The following MAX variants were observed in gnomAD, a reference collection of about 807,000 sequenced individuals.
The protein encoded by MAX is protein max.
In MAX, 3 loss-of-function variants were observed where a neutral mutation model predicts 22.3. The ratio of observed to expected loss-of-function variants is 0.13; its 90% CI spans 0.06 to 0.35. MAX has a LOEUF of 0.35. Among genes scored for constraint, MAX ranks in the 10% least tolerant of loss-of-function variants. The probability of loss-of-function intolerance (pLI) is 1.00; values close to 1 mark genes in which losing one functional copy is unlikely to be tolerated. For missense variants in MAX, 119 were observed against 209.4 expected (o/e 0.57, Z 2.66); for synonymous variants, 72 against 77.7 (o/e 0.93, Z 0.39).
chr14:65,100,762 C>A (rs1047549324), intron 2 of MAX, among the ~76,000 whole-genome samples: 2 of 152,152 alleles, frequency 1.3e-5, no homozygotes, highest in African/African-American at 4.8e-5. Context: ...CAAATCTATT[C>A]ATGAAACATC....
chr14:65,091,315 A>G (rs2063503626), intron 3 of MAX, among the ~76,000 whole-genome samples: 1 of 152,242 alleles, frequency 6.6e-6, no homozygotes, highest in Non-Finnish European at 1.5e-5. Flanking sequence ...CTCGCTTTTT[A>G]AAGAGGAAGA....
intron 3 of MAX, chr14:65,016,371 A>G (rs2061773451): frequency 6.6e-6 from 1 of 152,238 alleles, no homozygotes; most frequent in Admixed American, 6.5e-5. Flanking sequence ...TCATGACTCC[A>G]GTCCTAGGGA....
At chr14:65,065,721 C>T (rs2062925104) in intron 3 of MAX, among the ~76,000 whole-genome samples, 1 of 152,150 alleles carries the variant, frequency 6.6e-6, no homozygotes, top group African/African-American at 2.4e-5. Flanking sequence ...AAAACTCTAC[C>T]ACCAATTAGC....
rs1162519575 is a variant in MAX at position 65,078,486 on chromosome 14, C to A, written c.172-450G>T. Among the ~76,000 whole-genome samples, 1 of 150,956 alleles carries A rather than the reference C, an allele frequency of 6.6e-6. No individual in the cohort carries two copies. The highest frequency in any genetic ancestry group is 1.5e-5 in the Non-Finnish European group (1 of 67,878). The stretch of plus-strand genomic sequence containing the variant: ...CCCAAAATGCTGGGATTATAGGTCA[C>A]AGGTGTGAGCCACTGCGCCCAGCCT... On this transcript the variant is annotated intron_variant, in intron 3 of 4. Transcript: ENST00000358664. The surrounding 1 kb of genome is among the most constrained non-coding windows in gnomAD (Gnocchi z 6.4).
chr14:65,020,293 G>C (rs1212829889), intron 3 of MAX, among the ~76,000 whole-genome samples: 1 of 152,176 alleles, frequency 6.6e-6, no homozygotes, highest in African/African-American at 2.4e-5. Context: ...CTTTATTTTT[G>C]GTAGAGACAG....
intron 3 of MAX, among the ~76,000 whole-genome samples, chr14:65,060,105 T>C (rs1160075691): frequency 6.6e-6 from 1 of 151,842 alleles, no homozygotes; most frequent in African/African-American, 2.4e-5. Context: ...AATGCTGGGA[T>C]TACAGGCATG....
In MAX at chr14:65,069,857, C is replaced by T. The variant is rs547826520; in HGVS notation, c.171+23851G>A. Among the ~76,000 whole-genome samples, 1 of 152,348 alleles carries T rather than the reference C, an allele frequency of 6.6e-6. No individual in the cohort carries two copies. The highest frequency in any genetic ancestry group is 2.1e-4 in the South Asian group (1 of 4,828). On this transcript the variant is annotated intron_variant, in intron 3 of 3. Coordinates refer to the MAX transcript ENST00000341653. This position sits in a 1 kb window ranked among gnomAD's most constrained non-coding sequence, Gnocchi z 4.6. ...TGTTGGAAACAGGGTCCTTCCTCTC[C>T]AAAGTCTCCTACAGCCTTGCTGCAG...
chr14:65,064,220 C>G (rs1379547344), intron 3 of MAX, among the ~76,000 whole-genome samples: 1 of 152,184 alleles, frequency 6.6e-6, no homozygotes, highest in East Asian at 1.9e-4. Flanking sequence ...TGTCAAGTGA[C>G]AAATAGTAAG....
chr14:65,067,983 CA>C (rs112874691), intron 3 of MAX, among the ~76,000 whole-genome samples: 1 of 152,088 alleles, frequency 6.6e-6, no homozygotes, highest in African/African-American at 2.4e-5. Context: ...GTACCATTCT[CA>C]TCACACATCA....
intron 3 of MAX, chr14:65,015,731 G>A (rs766574645): frequency 5.2e-5 from 84 of 1,609,246 alleles, no homozygotes; most frequent in Non-Finnish European, 6.1e-5. Context: ...GTCTGTCTTT[G>A]GGAAATCTGG....
chr14:65,060,061 G>C (rs1222358482), intron 3 of MAX, among the ~76,000 whole-genome samples: 3 of 151,538 alleles, frequency 2.0e-5, no homozygotes, highest in Non-Finnish European at 4.4e-5. Flanking sequence ...TTGAACTCCT[G>C]ACCTCGGGTG....
In MAX at chr14:65,088,906, C is replaced by T. The variant is rs2063418705; in HGVS notation, c.171+4802G>A. 6.6e-6 allele frequency among the ~76,000 whole-genome samples: 1 copy of T among 152,078 alleles called. No individual in the cohort carries two copies. The highest frequency in any genetic ancestry group is 2.4e-5 in the African/African-American group (1 of 41,392). On this transcript the variant is annotated intron_variant, in intron 3 of 4. Coordinates refer to ENST00000358664, the MANE Select transcript of MAX (RefSeq NM_002382.5). This position sits in a 1 kb window ranked among gnomAD's most constrained non-coding sequence, Gnocchi z 5.2. The stretch of plus-strand genomic sequence containing the variant: ...TATCCTTAAGAATCATGTTCCCTGC[C>T]ATAAGGGAACTATTATATTTGGTTT...
At chr14:65,085,273 CT>C (rs1463815205) in intron 3 of MAX, among the ~76,000 whole-genome samples, 1 of 152,156 alleles carries the variant, frequency 6.6e-6, no homozygotes, top group African/African-American at 2.4e-5. Context: ...GCAATTGTGA[CT>C]CATGCTAAAT....
chr14:65,095,928 T>C (rs1339996279), intron 2 of MAX, among the ~76,000 whole-genome samples: 1 of 152,194 alleles, frequency 6.6e-6, no homozygotes, highest in East Asian at 1.9e-4. Context: ...GGGGTGGAGC[T>C]AAGTATAATC....
intron 2 of MAX, among the ~76,000 whole-genome samples, chr14:65,098,231 GA>G (rs2063724236): frequency 6.6e-6 from 1 of 152,154 alleles, no homozygotes; most frequent in Non-Finnish European, 1.5e-5. Context: ...TCTAAGCAGA[GA>G]AAAAGTACAT....
In MAX at chr14:65,084,181, T is replaced by A; in HGVS notation, c.172-6145A>T. On this transcript the variant is annotated intron_variant, in intron 3 of 4. Transcript: ENST00000358664. The surrounding 1 kb of genome is among the most constrained non-coding windows in gnomAD (Gnocchi z 4.3). ...GTAAGGGGTCAAAACAATCATTTTT[T>A]AAATCTTGCATTCTTTTTTCTTGTG... 12 of 1,613,924 alleles carry A rather than the reference T, an allele frequency of 7.4e-6. No homozygotes were observed. Among genetic ancestry groups the A allele is most frequent in the Non-Finnish European group, 1.0e-5 (12 of 1,179,818 alleles).
intron 3 of MAX, among the ~76,000 whole-genome samples, chr14:65,091,622 A>G (rs2063511584): frequency 1.3e-5 from 2 of 152,170 alleles, no homozygotes. Flanking sequence ...GTGCTACCAC[A>G]CTTGCATTCC....
rs370952915 is a variant in MAX at position 65,088,991 on chromosome 14, T to A, written c.171+4717A>T. On this transcript the variant is annotated intron_variant, in intron 3 of 4. Transcript: ENST00000358664. The surrounding 1 kb of genome is among the most constrained non-coding windows in gnomAD (Gnocchi z 5.2). ...GGAAATGAAACTGAGATTAACTCAATGTAAAGCTCTTATCTGATGCTCAGC... is the reference window on the plus strand; with the variant it reads ...GGAAATGAAACTGAGATTAACTCAAAGTAAAGCTCTTATCTGATGCTCAGC... 2.6e-5 allele frequency among the ~76,000 whole-genome samples: 4 copies of A among 152,320 alleles called. No individual in the cohort carries two copies. Among genetic ancestry groups the A allele is most frequent in the African/African-American group, 9.6e-5 (4 of 41,574 alleles).
chr14:65,052,708 C>A (rs555066478), intron 3 of MAX, among the ~76,000 whole-genome samples: 2 of 152,186 alleles, frequency 1.3e-5, no homozygotes, highest in Admixed American at 6.5e-5. Context: ...TAGGTAAATT[C>A]TTTGAGCTGA....
Sources: gnomAD v4.1 joint callset for allele counts (sites outside exome capture counted in the v4.1 genomes callset) on GRCh38, gnomAD v4.1.1 for gene constraint, Gnocchi (gnomAD v3.1) non-coding constraint, MANE v1.5 for transcripts, NCBI Gene and HGNC (gene_info 2026-07-23, HGNC 2026-07-21) for gene names.